The following UNC80 variants were observed in gnomAD, a reference collection of about 807,000 sequenced individuals.
UNC80 encodes the protein protein unc-80 homolog.
Under a neutral mutation model 384.6 loss-of-function variants are expected in UNC80, and 164 were observed. The ratio of observed to expected loss-of-function variants is 0.43; its 90% CI spans 0.38 to 0.49. The LOEUF is 0.49. UNC80 is among the 20% of genes least tolerant of loss of function. The probability of loss-of-function intolerance (pLI) is 0.00; values close to 1 mark genes in which losing one functional copy is unlikely to be tolerated. For synonymous variants in UNC80, 1,486 were observed against 1,527.8 expected (o/e 0.97, Z 0.64); for missense variants, 3,330 against 4,143.0 (o/e 0.80, Z 5.39).
intron 18 of UNC80, among the ~76,000 whole-genome samples, chr2:209,836,543 T>A (rs1014118986): frequency 1.3e-5 from 2 of 152,240 alleles, no homozygotes; most frequent in Non-Finnish European, 2.9e-5. Context: ...ATTTAGCACA[T>A]CTATTCTTTC....
chr2:209,898,655 A>G (rs1013585905), intron 28 of UNC80, among the ~76,000 whole-genome samples: 6 of 152,142 alleles, frequency 3.9e-5, no homozygotes, highest in African/African-American at 9.7e-5. Context: ...TTATTTTTAA[A>G]TGTACAGTTA....
At chr2:209,971,421 C>T (rs574736602) in intron 54 of UNC80, among the ~76,000 whole-genome samples, 1 of 150,576 alleles carries the variant, frequency 6.6e-6, no homozygotes, top group African/African-American at 2.5e-5. Context: ...GAAAGTTCTC[C>T]CCCTTTATTT....
At chr2:209,959,829 T>C (rs1360726775) in intron 51 of UNC80, 122 bp downstream of exon 51, 1 of 907,216 alleles carries the variant, frequency 1.1e-6, no homozygotes, top group African/African-American at 1.7e-5. Context: ...ATGATTTGTT[T>C]CCGGTGACTT....
In UNC80 at chr2:209,789,589, A is replaced by G; in HGVS notation, c.782A>G (p.Asp261Gly). ...CGGACCTGTGAATCACCAAATCAAG[A>G]TGCAAGACACTTAGAGGTTAGTTTA... is the stretch of plus-strand genomic sequence containing the variant. ...QSRTCESPNQ[D>G]ARHLEGLQVV... Residue 261 changes from aspartate (D) to glycine (G), a missense_variant, in exon 6 of 65, where the codon GAT becomes GGT. Around this residue, in one of 8 missense-constraint regions of UNC80, gnomAD observed 937 missense variants for 1,026.8 expected, o/e 0.91. Coordinates refer to ENST00000673920, the MANE Select transcript of UNC80 (RefSeq NM_001371986.1). 1 of 1,612,688 alleles carries G rather than the reference A, an allele frequency of 6.2e-7. No individual in the cohort carries two copies. The highest frequency in any genetic ancestry group is 1.1e-5 in the South Asian group (1 of 91,024).
intron 48 of UNC80, among the ~76,000 whole-genome samples, chr2:209,955,046 CT>C (rs1264697647): frequency 2.0e-5 from 3 of 152,148 alleles, no homozygotes; most frequent in Non-Finnish European, 2.9e-5. Flanking sequence ...GTATGATGGG[CT>C]TTTCTGCTCT....
chr2:209,786,618 T>A (rs1353997085), intron 5 of UNC80, among the ~76,000 whole-genome samples: 1 of 152,146 alleles, frequency 6.6e-6, no homozygotes, highest in African/African-American at 2.4e-5. Flanking sequence ...TAGTGTTGTA[T>A]TGTTATCAAA....
Position 209,819,212 on chromosome 2 carries a change from T to C in UNC80, c.1913T>C (p.Ile638Thr). The C allele has an allele frequency of 6.4e-7, 1 of 1,551,852 alleles. No homozygotes were observed. The highest frequency in any genetic ancestry group is 8.7e-7 in the Non-Finnish European group (1 of 1,147,022). The part of the protein sequence containing the change: ...NYSYLEDTEH[I>T]DGTNNFVHKN... ...AGCTACCTAGAGGACACAGAACATA[T>C]TGACGGGACCAATAACTTTGTCCAC... The change falls in exon 12 of 65, where the codon ATT becomes ACT. Residue 638 changes from isoleucine (I) to threonine (T), a missense_variant. Around this residue, in one of 8 missense-constraint regions of UNC80, gnomAD observed 937 missense variants for 1,026.8 expected, o/e 0.91. Transcript: ENST00000673920.
rs764391465 is a variant in UNC80 at position 209,967,523 on chromosome 2, T to C, written c.7892T>C (p.Met2631Thr). Residue 2631 changes from methionine (M) to threonine (T), a missense_variant, in exon 52 of 65, where the codon ATG becomes ACG. Physicochemically the swap from Met to Thr is moderately conservative, Grantham distance 81. This residue lies in a region of UNC80 where 1,049 missense variants were observed against 1,488.6 expected (regional missense o/e 0.70). Coordinates refer to ENST00000673920, the MANE Select transcript of UNC80 (RefSeq NM_001371986.1). ...AGTCGTGGGCTTCGGCGCTACATCATGGAGATGCTACCCATTACTGACTGG... is the reference window on the plus strand; with the variant it reads ...AGTCGTGGGCTTCGGCGCTACATCACGGAGATGCTACCCATTACTGACTGG... ...MESRGLRRYI[M>T]EMLPITDWTA... 1.4e-5 allele frequency: 21 copies of C among 1,551,496 alleles called. No homozygotes were observed. The South Asian group carries it at 2.4e-4, about 18-fold the overall frequency.
In UNC80 at chr2:209,995,469, T is replaced by A; in HGVS notation, c.9849T>A (p.His3283Gln). The stretch of plus-strand genomic sequence containing the variant: ...TCGAGACATCCAGCCTCCTACAGCA[T>A]GGAGACACTGTCCTTCATATCAGTG... ...TGLETSSLLQ[H>Q]GDTVLHISEE... is the part of the protein sequence containing the mutation. Residue 3283 changes from histidine to glutamine, a missense_variant, in exon 65 of 65, where the codon CAT becomes CAA. His to Gln is a conservative substitution (Grantham distance 24, BLOSUM62 0). Around this residue, in one of 8 missense-constraint regions of UNC80, gnomAD observed 236 missense variants for 254.9 expected, o/e 0.93. Transcript: ENST00000673920. 2.6e-6 allele frequency: 4 copies of A among 1,551,862 alleles called. No individual in the cohort carries two copies. The highest frequency in any genetic ancestry group is 3.5e-6 in the Non-Finnish European group (4 of 1,147,022).
chr2:209,912,542 T>C lies in UNC80; in HGVS notation c.4783-18T>C. The C allele has an allele frequency of 6.6e-7, 1 of 1,517,682 alleles. No individual in the cohort carries two copies. 94.0% of individuals were successfully genotyped at this position (1,517,682 alleles called of 1,614,324 possible). On this transcript the variant is annotated intron_variant, in intron 29 of 64. Transcript: ENST00000673920. Reference sequence around the variant, plus strand: ...AGAAAACACATCACTCTTCATTACATATCCCTGGTCTTTTCAGTGCTCAGA... The same window carrying C: ...AGAAAACACATCACTCTTCATTACACATCCCTGGTCTTTTCAGTGCTCAGA...
chr2:209,793,473 A>T (rs1250401018), intron 6 of UNC80, among the ~76,000 whole-genome samples: 1 of 152,226 alleles, frequency 6.6e-6, no homozygotes, highest in East Asian at 1.9e-4. Flanking sequence ...AATAAAATGA[A>T]ATAAAATATA....
At chr2:209,884,709 A>G (rs992381273) in intron 25 of UNC80, among the ~76,000 whole-genome samples, 1 of 152,240 alleles carries the variant, frequency 6.6e-6, no homozygotes, top group Non-Finnish European at 1.5e-5. Context: ...ATGGAATACT[A>G]TGCAGCCATA....
At chr2:209,830,958 C>A (rs78739800) in intron 15 of UNC80, among the ~76,000 whole-genome samples, 11,715 of 152,242 alleles carry the variant, frequency 0.077, 592 homozygotes, top group Non-Finnish European at 0.11. Flanking sequence ...ACTCTTTCTT[C>A]TCCCTTCCCA....
chr2:209,978,493 C>T lies in UNC80; in HGVS notation c.8939-36C>T, dbSNP rs946787994. ...CTTTGAAGTGGACATTTAAGATTCTCACCATGCATTTCCTTTGGTCTCTCG... is the reference window on the plus strand; with the variant it reads ...CTTTGAAGTGGACATTTAAGATTCTTACCATGCATTTCCTTTGGTCTCTCG... On this transcript the variant is annotated intron_variant, in intron 58 of 64. Coordinates refer to ENST00000673920, the MANE Select transcript of UNC80 (RefSeq NM_001371986.1). 4.1e-6 allele frequency: 6 copies of T among 1,467,050 alleles called. No individual in the cohort carries two copies. In the African/African-American group the frequency reaches 4.2e-5, roughly 10 times the overall value. The allele number at this position is 1,467,050 out of a possible 1,614,324, so 90.9% of individuals were successfully genotyped here. A position where few individuals can be genotyped will look rare whatever the true frequency, so the allele number is the denominator to read the frequency against.
At chr2:209,885,696 T>TA (rs569043937) in intron 25 of UNC80, among the ~76,000 whole-genome samples, 77 of 152,250 alleles carry the variant, frequency 5.1e-4, no homozygotes, top group African/African-American at 1.8e-3. Flanking sequence ...AGTCAAAATG[T>TA]AACTTCTGTT....
At chr2:209,866,490 C>CCACACA (rs71409845) in intron 22 of UNC80, among the ~76,000 whole-genome samples, 1,173 of 107,228 alleles carry the variant, frequency 0.011, 9 homozygotes, top group Middle Eastern at 0.028. Context: ...AAATGCACCC[C>CCACACA]CACACACACA....
chr2:209,885,420 G>A (rs2085697213), intron 25 of UNC80, among the ~76,000 whole-genome samples: 2 of 152,256 alleles, frequency 1.3e-5, no homozygotes, highest in South Asian at 2.1e-4. Context: ...GAAAGACTAC[G>A]TAGGATTTGG....
intron 42 of UNC80, 78 bp from the exon 43 acceptor site, chr2:209,939,394 T>C (rs2091471872): frequency 7.3e-7 from 1 of 1,369,576 alleles, no homozygotes; most frequent in African/African-American, 1.5e-5. Context: ...ATTAAAGGTT[T>C]TCCTTTAGTT....
chr2:209,780,258 C>T lies in UNC80; in HGVS notation c.600+2699C>T, dbSNP rs1478996949. Among the ~76,000 whole-genome samples the T allele has an allele frequency of 2.6e-5, 4 of 152,162 alleles. No individual in the cohort carries two copies. The South Asian group carries it at 8.3e-4, about 32-fold the overall frequency. On this transcript the variant is annotated intron_variant, in intron 4 of 64. Coordinates refer to ENST00000673920, the MANE Select transcript of UNC80 (RefSeq NM_001371986.1). ...ATGGAGCATTTATAAAGGAGTAAGA[C>T]AATTCATACAAAATACTACACAGTG...
Sources: allele counts gnomAD v4.1 joint callset (sites outside exome capture counted in the v4.1 genomes callset), GRCh38; gene constraint gnomAD v4.1.1; regional missense constraint gnomAD v4.1.1; transcripts MANE v1.5; gene names NCBI Gene and HGNC (gene_info 2026-07-23, HGNC 2026-07-21).